Variants in XNDC1N observed in about 807,000 individuals in gnomAD.
The protein encoded by XNDC1N is XRCC1 N-terminal domain containing 1, N-terminal like.
At chr11:71,908,616 C>G in the XNDC1N span, among the ~76,000 whole-genome samples, 1 of 152,070 alleles carries the variant, frequency 6.6e-6, no homozygotes, top group Non-Finnish European at 1.5e-5. Flanking sequence ...GGTACCAGCC[C>G]TTCACCTGTG....
chr11:71,883,624 G>T, the XNDC1N span, among the ~76,000 whole-genome samples: 29 of 152,162 alleles, frequency 1.9e-4, no homozygotes, highest in African/African-American at 6.8e-4. Flanking sequence ...ATAATTACCT[G>T]AGACTGTAAA....
At chr11:71,907,817 A>G in the XNDC1N span, among the ~76,000 whole-genome samples, 840 of 152,160 alleles carry the variant, frequency 5.5e-3, 6 homozygotes, top group Non-Finnish European at 8.5e-3. Context: ...TCTGCCATAT[A>G]TGTAGTCATA....
chr11:71,927,241 T>C, the XNDC1N span, among the ~76,000 whole-genome samples: 1 of 152,066 alleles, frequency 6.6e-6, no homozygotes, highest in African/African-American at 2.4e-5. Context: ...AGCCGGACCC[T>C]GTATCACTCA....
At chr11:71,928,408 G>C in the XNDC1N span, 1 of 695,364 alleles carries the variant, frequency 1.4e-6, no homozygotes, top group Non-Finnish European at 2.6e-6. Context: ...CTCGGATCTC[G>C]GACCACCAAA....
At chr11:71,909,930 G>C in the XNDC1N span, among the ~76,000 whole-genome samples, 1 of 152,282 alleles carries the variant, frequency 6.6e-6, no homozygotes, top group East Asian at 1.9e-4. Context: ...AGGAGGAATG[G>C]AGACTTTTCT....
At chr11:71,897,293 A>G in the XNDC1N span, among the ~76,000 whole-genome samples, 2 of 152,168 alleles carry the variant, frequency 1.3e-5, no homozygotes, top group African/African-American at 4.8e-5. Context: ...TGAAAACATA[A>G]CCCATGGATT....
At chr11:71,889,144 G>A in the XNDC1N span, among the ~76,000 whole-genome samples, 1 of 152,210 alleles carries the variant, frequency 6.6e-6, no homozygotes, top group Admixed American at 6.5e-5. Context: ...AGAACTCAGT[G>A]AGGGTGAGAC....
the XNDC1N span, among the ~76,000 whole-genome samples, chr11:71,913,816 T>A: frequency 6.6e-6 from 1 of 152,078 alleles, no homozygotes; most frequent in Non-Finnish European, 1.5e-5. Flanking sequence ...TTGAAGCCAA[T>A]GCTCATTTAC....
chr11:71,911,574 T>A, the XNDC1N span, among the ~76,000 whole-genome samples: 2 of 152,154 alleles, frequency 1.3e-5, no homozygotes, highest in Non-Finnish European at 2.9e-5. Context: ...CTGAACTCAT[T>A]GCTTTCATTG....
chr11:71,867,705 C>T, the XNDC1N span, among the ~76,000 whole-genome samples: 5,873 of 152,190 alleles, frequency 0.039, 382 homozygotes, highest in African/African-American at 0.14. Flanking sequence ...TGTTTTATGG[C>T]CAATCACATG....
chr11:71,898,628 A>T, the XNDC1N span, among the ~76,000 whole-genome samples: 13 of 152,200 alleles, frequency 8.5e-5, no homozygotes, highest in Admixed American at 2.6e-4. Context: ...AATTAAATAC[A>T]GTATGATTCC....
chr11:71,865,775 T>A, the XNDC1N span: 78 of 369,698 alleles, frequency 2.1e-4, no homozygotes, highest in African/African-American at 2.9e-3. Flanking sequence ...AGAACAGTTT[T>A]TTTTTTTTGC....
chr11:71,911,963 T>G, the XNDC1N span, among the ~76,000 whole-genome samples: 10 of 152,196 alleles, frequency 6.6e-5, no homozygotes, highest in South Asian at 4.2e-4. Flanking sequence ...GGAAGGACAA[T>G]TGATGGAGGA....
chr11:71,914,580 G>A, the XNDC1N span, among the ~76,000 whole-genome samples: 9 of 152,038 alleles, frequency 5.9e-5, no homozygotes, highest in Non-Finnish European at 1.3e-4. Flanking sequence ...CCAGCTACTC[G>A]GGAGGCTGAG....
chr11:71,901,675 C>T, the XNDC1N span, among the ~76,000 whole-genome samples: 1 of 151,806 alleles, frequency 6.6e-6, no homozygotes, highest in African/African-American at 2.4e-5. Flanking sequence ...AGTATAGTAC[C>T]CGGGACTTCG....
the XNDC1N span, chr11:71,916,300 A>C: frequency 1.4e-6 from 1 of 698,620 alleles, no homozygotes; most frequent in Admixed American, 2.0e-5. Context: ...GAAATGCATA[A>C]ATGGGAGAGA....
the XNDC1N span, among the ~76,000 whole-genome samples, chr11:71,915,570 A>T: frequency 6.6e-6 from 1 of 152,222 alleles, no homozygotes; most frequent in Non-Finnish European, 1.5e-5. Flanking sequence ...CTGGAACCAA[A>T]CCTGGAACAT....
chr11:71,902,471 G>A, the XNDC1N span, among the ~76,000 whole-genome samples: 3 of 152,232 alleles, frequency 2.0e-5, no homozygotes, highest in South Asian at 2.1e-4. Context: ...GATTACCGGC[G>A]TGAGCCACCG....
At chr11:71,872,445 C>G in the XNDC1N span, among the ~76,000 whole-genome samples, 17 of 152,132 alleles carry the variant, frequency 1.1e-4, no homozygotes, top group African/African-American at 4.1e-4. Context: ...AATCTGTAAT[C>G]TCATTTATTC....
Sources: gnomAD v4.1 joint callset for allele counts (sites outside exome capture counted in the v4.1 genomes callset) on GRCh38, gnomAD v4.1.1 for gene constraint, MANE v1.5 for transcripts, NCBI Gene and HGNC (gene_info 2026-07-23, HGNC 2026-07-21) for gene names.